TBCE: variants seen among roughly 807,000 people sequenced by gnomAD.
The protein encoded by TBCE is tubulin folding cofactor E.
In TBCE, 53 loss-of-function variants were observed where a neutral mutation model predicts 77.0. The ratio of observed to expected loss-of-function variants is 0.69; its 90% CI spans 0.55 to 0.87. The LOEUF (loss-of-function observed/expected upper bound fraction) is 0.87, where lower values mean the gene tolerates loss of function less well. TBCE is among the 40% of genes least tolerant of loss of function. The pLI, the probability that TBCE is intolerant of heterozygous loss-of-function variation, is 0.00. For synonymous variants in TBCE, 235 were observed against 241.3 expected (o/e 0.97, Z 0.24); for missense variants, 624 against 622.4 (o/e 1.00, Z -0.03).
intron 5 of TBCE, among the ~76,000 whole-genome samples, chr1:235,421,809 A>G (rs561058748): frequency 6.6e-6 from 1 of 152,228 alleles, no homozygotes; most frequent in South Asian, 2.1e-4. Flanking sequence ...GTACATAATA[A>G]CTTTTGCAAA....
chr1:235,393,678 A>C (rs1448515892), intron 2 of TBCE, among the ~76,000 whole-genome samples: 2 of 152,188 alleles, frequency 1.3e-5, no homozygotes, highest in Admixed American at 1.3e-4. Context: ...TGACACAGGT[A>C]GTCTGGTAGC....
intron 16 of TBCE, 49 bp from the exon 17 acceptor site, chr1:235,448,621 A>T: frequency 1.3e-6 from 2 of 1,517,736 alleles, no homozygotes; most frequent in Non-Finnish European, 1.8e-6. Flanking sequence ...AGCATGCTTT[A>T]TCGGATCTGT....
intron 2 of TBCE, among the ~76,000 whole-genome samples, chr1:235,393,046 A>T (rs946898965): frequency 1.3e-5 from 2 of 152,006 alleles, no homozygotes; most frequent in Non-Finnish European, 2.9e-5. Context: ...TTTTTTCTTG[A>T]TTAATTTTAG....
intron 2 of TBCE, among the ~76,000 whole-genome samples, chr1:235,380,367 A>G (rs569353163): frequency 3.1e-4 from 47 of 152,284 alleles, no homozygotes; most frequent in African/African-American, 8.4e-4. Context: ...ATTATATGCC[A>G]TTTAATTATT....
intron 8 of TBCE, 25 bp downstream of exon 8, chr1:235,434,305 TC>T (rs767361311): frequency 6.4e-7 from 1 of 1,555,762 alleles, no homozygotes; most frequent in Admixed American, 1.7e-5. Context: ...CTTAAATGCA[TC>T]TATCCCCATT....
At chr1:235,425,421 C>T (rs1183956788) in intron 5 of TBCE, among the ~76,000 whole-genome samples, 3 of 152,042 alleles carry the variant, frequency 2.0e-5, no homozygotes, top group Non-Finnish European at 4.4e-5. Context: ...GACTCCCGGC[C>T]CTCCTTTATT....
intron 3 of TBCE, among the ~76,000 whole-genome samples, chr1:235,411,073 GC>G (rs1271488181): frequency 1.3e-5 from 2 of 152,172 alleles, no homozygotes; most frequent in Non-Finnish European, 1.5e-5. Flanking sequence ...CATGAACTGG[GC>G]AATTGTTTAA....
At chr1:235,428,513 G>C (rs184455629) in intron 6 of TBCE, among the ~76,000 whole-genome samples, 1 of 151,964 alleles carries the variant, frequency 6.6e-6, no homozygotes, top group Non-Finnish European at 1.5e-5. Flanking sequence ...AGGAATACCA[G>C]GTGTATACCC....
chr1:235,428,544 C>T (rs1680875557), intron 6 of TBCE, among the ~76,000 whole-genome samples: 1 of 152,064 alleles, frequency 6.6e-6, no homozygotes, highest in Admixed American at 6.6e-5. Context: ...AGCTGCTTCG[C>T]TAGTAGACAT....
rs1329725064 is a variant in TBCE at position 235,452,361 on chromosome 1, C to T, written c.*3599C>T. 1 of 152,072 alleles carries T rather than the reference C, an allele frequency of 6.6e-6. No individual in the cohort carries two copies. Among genetic ancestry groups the T allele is most frequent in the Non-Finnish European group, 1.5e-5 (1 of 68,032 alleles). The allele number at this position is 152,072 out of a possible 1,614,324, so 9.4% of individuals were successfully genotyped here. On this transcript the variant is annotated 3_prime_UTR_variant, in exon 17 of 17. Transcript: ENST00000642610. ...TAGGCAGGGGAACGTTGATTTATAA[C>T]CTTTTGCTTTAAACTCAGAAAAATA...
intron 3 of TBCE, among the ~76,000 whole-genome samples, chr1:235,411,481 A>G (rs1005384053): frequency 1.3e-5 from 2 of 152,180 alleles, no homozygotes; most frequent in African/African-American, 4.8e-5. Context: ...TTCGCCAGAA[A>G]GATGTTACCA....
At chr1:235,445,787 G>C (rs1238906062) in intron 15 of TBCE, among the ~76,000 whole-genome samples, 1 of 152,052 alleles carries the variant, frequency 6.6e-6, no homozygotes, top group Admixed American at 6.6e-5. Context: ...ATACACATAT[G>C]CTCTGACCAA....
chr1:235,411,925 G>T (rs1378955909), intron 3 of TBCE, among the ~76,000 whole-genome samples: 3 of 151,850 alleles, frequency 2.0e-5, no homozygotes, highest in Admixed American at 2.0e-4. Flanking sequence ...ACTCACCCTC[G>T]CTGGGCTTTG....
chr1:235,430,110 A>C (rs561492530), intron 6 of TBCE: 3 of 154,794 alleles, frequency 1.9e-5, no homozygotes, highest in African/African-American at 7.2e-5. Context: ...TGTGCTCCCA[A>C]ATAGAGCAAA....
intron 2 of TBCE, among the ~76,000 whole-genome samples, chr1:235,387,436 A>C (rs1220634016): frequency 5.9e-5 from 9 of 152,140 alleles, no homozygotes; most frequent in East Asian, 3.9e-4. Flanking sequence ...CCTCCTTGAG[A>C]TGTGGTGGGC....
At chr1:235,444,236 T>C (rs1682093062) in intron 15 of TBCE, among the ~76,000 whole-genome samples, 1 of 152,228 alleles carries the variant, frequency 6.6e-6, no homozygotes. Context: ...CATTTTTATT[T>C]ATTCACAATC....
At position 235,442,280 on chromosome 1, in the gene TBCE, C is replaced by T. The variant is rs546576951; in HGVS notation, c.1339+398C>T. Among the ~76,000 whole-genome samples the T allele has an allele frequency of 1.3e-3, 191 of 152,312 alleles. 1 individual carries two copies. Among genetic ancestry groups the T allele is most frequent in the African/African-American group, 4.2e-3 (173 of 41,578 alleles). On this transcript the variant is annotated intron_variant, in intron 14 of 16. Transcript: ENST00000642610. ...CCGCCTCCCGGGTTCAAGCGATTTT[C>T]GTGCCTTAGCCTCCCGAGTAGCTGG...
At chr1:235,426,204 G>T (rs185400520) in intron 5 of TBCE, among the ~76,000 whole-genome samples, 2 of 152,282 alleles carry the variant, frequency 1.3e-5, no homozygotes, top group Non-Finnish European at 2.9e-5. Flanking sequence ...TGATGGTGCT[G>T]CACCTGCACC....
chr1:235,439,050 C>A, intron 13 of TBCE, 128 bp downstream of exon 13: 1 of 1,339,838 alleles, frequency 7.5e-7, no homozygotes, highest in Non-Finnish European at 1.1e-6. Flanking sequence ...TTCTTGTATT[C>A]ATCTGAATGG....
Sources: allele counts gnomAD v4.1 joint callset (sites outside exome capture counted in the v4.1 genomes callset), GRCh38; gene constraint gnomAD v4.1.1; transcripts MANE v1.5; gene names NCBI Gene and HGNC (gene_info 2026-07-23, HGNC 2026-07-21).